Variants in CSMD1 observed in about 807,000 individuals in gnomAD.
The protein encoded by CSMD1 is CUB and sushi domain-containing protein 1.
CSMD1 carries 213 observed loss-of-function variants against 417.5 expected under a neutral mutation model. That is an observed-to-expected ratio of 0.51 (90% CI 0.46 to 0.57). The LOEUF (loss-of-function observed/expected upper bound fraction) is 0.57. CSMD1 is among the 20% of genes least tolerant of loss of function. The pLI is 0.00. For missense variants in CSMD1, 6,923 were observed against 4,529.7 expected (o/e 1.53, Z -15.17); for synonymous variants, 2,862 against 1,736.8 (o/e 1.65, Z -16.11).
At chr8:4,620,391 T>C (rs185082715) in intron 2 of CSMD1, among the ~76,000 whole-genome samples, 4 of 151,588 alleles carry the variant, frequency 2.6e-5, no homozygotes, top group African/African-American at 9.7e-5. Context: ...ATAAGGAATT[T>C]GAGTTTGAGA....
At chr8:4,320,686 C>T (rs926319090) in intron 3 of CSMD1, among the ~76,000 whole-genome samples, 2 of 152,168 alleles carry the variant, frequency 1.3e-5, no homozygotes, top group Non-Finnish European at 2.9e-5. Context: ...AGGACATGAA[C>T]TCATCCTTTT....
intron 10 of CSMD1, among the ~76,000 whole-genome samples, chr8:3,566,706 T>C (rs1035672219): frequency 1.3e-5 from 2 of 152,050 alleles, no homozygotes; most frequent in African/African-American, 4.8e-5. Flanking sequence ...ATTAGAGACA[T>C]GGAAATCAAA....
chr8:4,467,655 T>A (rs1800265024), intron 2 of CSMD1, among the ~76,000 whole-genome samples: 1 of 152,234 alleles, frequency 6.6e-6, no homozygotes, highest in East Asian at 1.9e-4. Flanking sequence ...TTACCTTTCT[T>A]GTCCACATGA....
At chr8:4,244,118 G>A (rs936082852) in intron 3 of CSMD1, among the ~76,000 whole-genome samples, 7 of 152,120 alleles carry the variant, frequency 4.6e-5, no homozygotes, top group South Asian at 4.1e-4. Context: ...GGTGCTGTGC[G>A]GATGAGTTTC....
rs201432129 is a variant in CSMD1, at chr8:4,116,562, CT to C, written c.416-84464del. Reference sequence around the variant, plus strand: ...GGAACAAACGCGCCATGAATGAACCCTAACGTAAGCTGTACACATCCGACAG... The same window carrying C: ...GGAACAAACGCGCCATGAATGAACCCAACGTAAGCTGTACACATCCGACAG... On this transcript the variant is annotated intron_variant, in intron 3 of 69. Transcript: ENST00000635120. 2.3e-3 allele frequency among the ~76,000 whole-genome samples: 169 copies of C among 74,908 alleles called. 1 individual carries two copies. The highest frequency in any genetic ancestry group is 8.7e-3 in the African/African-American group (161 of 18,506). 49.1% of individuals were successfully genotyped at this position (74,908 alleles called of 152,430 possible). A position where few individuals can be genotyped will look rare whatever the true frequency, so the allele number is the denominator to read the frequency against.
intron 1 of CSMD1, among the ~76,000 whole-genome samples, chr8:4,734,262 C>A (rs533979673): frequency 3.3e-5 from 5 of 151,920 alleles, no homozygotes; most frequent in Non-Finnish European, 7.4e-5. Context: ...TCTATTAAAT[C>A]CTTTTAAAAA....
intron 3 of CSMD1, among the ~76,000 whole-genome samples, chr8:4,103,942 C>T (rs750574907): frequency 9.9e-5 from 15 of 152,212 alleles, no homozygotes; most frequent in Non-Finnish European, 2.1e-4. Context: ...GCAACATTCA[C>T]TCCTCAAACC....
chr8:4,744,798 C>G (rs1810848713), intron 1 of CSMD1, among the ~76,000 whole-genome samples: 1 of 151,940 alleles, frequency 6.6e-6, no homozygotes, highest in Non-Finnish European at 1.5e-5. Context: ...TCATTAACTT[C>G]CAAGGAGTAA....
intron 42 of CSMD1, among the ~76,000 whole-genome samples, chr8:3,110,640 C>T (rs890967967): frequency 1.3e-5 from 2 of 152,180 alleles, no homozygotes; most frequent in African/African-American, 2.4e-5. Context: ...TTGTGACCTG[C>T]TGATAACCCA....
chr8:4,147,687 C>A (rs1212213023), intron 3 of CSMD1, among the ~76,000 whole-genome samples: 2 of 152,124 alleles, frequency 1.3e-5, no homozygotes, highest in African/African-American at 2.4e-5. Flanking sequence ...TTTGAAATAT[C>A]TGACATCACC....
rs565749837 is a variant in CSMD1, at chr8:2,956,885, G to T, written c.9814+811C>A. On this transcript the variant is annotated intron_variant, in intron 63 of 69. Coordinates refer to ENST00000635120, the MANE Select transcript of CSMD1 (RefSeq NM_033225.6). ...TATATAAACATGCATATATATATGT[G>T]TATGTATATACATATATATGTACAT... Among the ~76,000 whole-genome samples the T allele has an allele frequency of 2.6e-3, 388 of 152,030 alleles. 5 individuals are homozygous for T. Among genetic ancestry groups the T allele is most frequent in the Non-Finnish European group, 2.0e-3 (135 of 67,990 alleles).
intron 51 of CSMD1, among the ~76,000 whole-genome samples, chr8:3,025,094 G>C (rs902481437): frequency 4.7e-5 from 7 of 149,288 alleles, no homozygotes; most frequent in African/African-American, 1.8e-4. Context: ...GTGTTATTCT[G>C]AAACTGTGTA....
chr8:3,499,830 G>A (rs1332781527), intron 10 of CSMD1, among the ~76,000 whole-genome samples: 3 of 152,092 alleles, frequency 2.0e-5, no homozygotes, highest in Non-Finnish European at 4.4e-5. Context: ...CTGGCCCTGT[G>A]GGCAGGATGT....
chr8:3,462,733 T>C (rs1816583605), intron 12 of CSMD1, among the ~76,000 whole-genome samples: 1 of 152,232 alleles, frequency 6.6e-6, no homozygotes, highest in South Asian at 2.1e-4. Flanking sequence ...TCATCACCTC[T>C]CCCAGTCCAT....
chr8:3,778,841 T>C (rs531658763), intron 5 of CSMD1, among the ~76,000 whole-genome samples: 1 of 152,326 alleles, frequency 6.6e-6, no homozygotes, highest in South Asian at 2.1e-4. Flanking sequence ...TTATTCCTCA[T>C]TGAATACTCA....
intron 1 of CSMD1, among the ~76,000 whole-genome samples, chr8:4,803,466 G>C (rs939715699): frequency 6.6e-6 from 1 of 152,158 alleles, no homozygotes; most frequent in Non-Finnish European, 1.5e-5. Flanking sequence ...GGAGAGGAGG[G>C]TTAGGGGTCA....
At chr8:3,194,080 A>G (rs895598691) in intron 33 of CSMD1, among the ~76,000 whole-genome samples, 3 of 152,212 alleles carry the variant, frequency 2.0e-5, no homozygotes, top group African/African-American at 7.2e-5. Context: ...ATCAGGTTGG[A>G]CAAGCCATTA....
At chr8:3,459,739 G>A (rs1181711209) in intron 12 of CSMD1, among the ~76,000 whole-genome samples, 1 of 152,048 alleles carries the variant, frequency 6.6e-6, no homozygotes, top group Non-Finnish European at 1.5e-5. Flanking sequence ...AAGCACTCAA[G>A]AATGAGGCTG....
intron 1 of CSMD1, among the ~76,000 whole-genome samples, chr8:4,834,741 C>G (rs1342272034): frequency 4.6e-5 from 7 of 151,408 alleles, no homozygotes; most frequent in Non-Finnish European, 7.4e-5. Context: ...CGGATCACGA[C>G]ATCAGGAGAT....
Sources: gnomAD v4.1 joint callset for allele counts (sites outside exome capture counted in the v4.1 genomes callset) on GRCh38, gnomAD v4.1.1 for gene constraint, MANE v1.5 for transcripts, NCBI Gene and HGNC (gene_info 2026-07-23, HGNC 2026-07-21) for gene names.